ZNF143: variants seen among roughly 807,000 people sequenced by gnomAD.
ZNF143 encodes SPH-binding factor.
Under a neutral mutation model 74.1 loss-of-function variants are expected in ZNF143, and 49 were observed. The ratio of observed to expected loss-of-function variants is 0.66; its 90% confidence interval spans 0.53 to 0.84. The LOEUF (loss-of-function observed/expected upper bound fraction) is 0.84. Ranked by LOEUF, ZNF143 falls within the 40% of genes least tolerant of loss-of-function variation. ZNF143 has a pLI of 0.00. For synonymous variants in ZNF143, 304 were observed against 282.8 expected (o/e 1.07, Z -0.75); for missense variants, 637 against 793.4 (o/e 0.80, Z 2.37).
chr11:9,516,494 C>T (rs988749117), intron 14 of ZNF143, 132 bp downstream of exon 14: 4 of 826,022 alleles, frequency 4.8e-6, no homozygotes, highest in Non-Finnish European at 7.3e-6. Flanking sequence ...TTCTTAGCTA[C>T]TTAACCCTCA....
At chr11:9,514,036 G>A (rs1027731388) in intron 13 of ZNF143, among the ~76,000 whole-genome samples, 1 of 152,260 alleles carries the variant, frequency 6.6e-6, no homozygotes, top group Non-Finnish European at 1.5e-5. Context: ...AGGACTACAG[G>A]TGTGTACCAC....
chr11:9,516,699 T>C (rs910805508), intron 14 of ZNF143, among the ~76,000 whole-genome samples: 1 of 152,230 alleles, frequency 6.6e-6, no homozygotes, highest in African/African-American at 2.4e-5. Context: ...CTATTTAATT[T>C]TTTGAATATG....
At chr11:9,473,340 G>A (rs1590510714) in intron 3 of ZNF143, among the ~76,000 whole-genome samples, 1 of 148,960 alleles carries the variant, frequency 6.7e-6, no homozygotes. Flanking sequence ...GCAGTGAGCC[G>A]AGATCACGCC....
At chr11:9,464,390 C>A (rs1856063580) in intron 1 of ZNF143, among the ~76,000 whole-genome samples, 1 of 151,922 alleles carries the variant, frequency 6.6e-6, no homozygotes. Flanking sequence ...CTCCTGAGGT[C>A]AGGAATTTGA....
intron 14 of ZNF143, among the ~76,000 whole-genome samples, chr11:9,518,510 C>G (rs1207567146): frequency 1.3e-5 from 2 of 152,174 alleles, no homozygotes; most frequent in African/African-American, 2.4e-5. Flanking sequence ...GTCAGGAATT[C>G]AAGACCAGCG....
chr11:9,524,784 G>C (rs1849065837), intron 14 of ZNF143, among the ~76,000 whole-genome samples: 1 of 152,084 alleles, frequency 6.6e-6, no homozygotes, highest in Non-Finnish European at 1.5e-5. Flanking sequence ...AGTACCACTG[G>C]TCCTTTCAGT....
intron 10 of ZNF143, among the ~76,000 whole-genome samples, 185 bp from the exon 11 acceptor site, chr11:9,500,906 T>C (rs371726774): frequency 3.3e-5 from 5 of 152,170 alleles, no homozygotes; most frequent in South Asian, 2.1e-4. Flanking sequence ...CAGTTTCTTA[T>C]GTAGATTTAA....
intron 7 of ZNF143, among the ~76,000 whole-genome samples, chr11:9,481,555 C>G (rs909967655): frequency 2.6e-5 from 4 of 151,960 alleles, no homozygotes; most frequent in African/African-American, 9.7e-5. Context: ...TTATTGGTAA[C>G]TGACAAGTAC....
At chr11:9,506,280 C>A (rs565126085) in intron 11 of ZNF143, among the ~76,000 whole-genome samples, 1 of 152,286 alleles carries the variant, frequency 6.6e-6, no homozygotes, top group South Asian at 2.1e-4. Flanking sequence ...TGCAGTGAGT[C>A]GAGATCACAC....
chr11:9,515,789 T>G (rs1311971034), intron 13 of ZNF143, among the ~76,000 whole-genome samples: 1 of 152,100 alleles, frequency 6.6e-6, no homozygotes, highest in Admixed American at 6.6e-5. Flanking sequence ...GAGACCAGCC[T>G]GGGCAACATG....
chr11:9,477,645 TA>T (rs1427343466), intron 5 of ZNF143, among the ~76,000 whole-genome samples: 1 of 152,170 alleles, frequency 6.6e-6, no homozygotes, highest in Non-Finnish European at 1.5e-5. Flanking sequence ...TATATCGATA[TA>T]AAATCACTAT....
intron 1 of ZNF143, chr11:9,463,792 A>C (rs1461102118): frequency 2.6e-5 from 4 of 152,168 alleles, no homozygotes; most frequent in African/African-American, 9.7e-5. Flanking sequence ...GGCTGCATTG[A>C]ACTGTGCCTC....
chr11:9,481,538 C>A (rs982352479), intron 7 of ZNF143, among the ~76,000 whole-genome samples: 41 of 152,010 alleles, frequency 2.7e-4, no homozygotes, highest in Non-Finnish European at 3.7e-4. Context: ...CCAATAAGTT[C>A]TCTGTCTTAT....
intron 14 of ZNF143, among the ~76,000 whole-genome samples, chr11:9,518,522 G>C (rs1354890225): frequency 6.6e-6 from 1 of 152,174 alleles, no homozygotes; most frequent in Non-Finnish European, 1.5e-5. Flanking sequence ...AGACCAGCGT[G>C]GCCAAACATG....
intron 9 of ZNF143, among the ~76,000 whole-genome samples, chr11:9,497,083 A>G (rs1847984877): frequency 6.6e-6 from 1 of 152,132 alleles, no homozygotes; most frequent in Non-Finnish European, 1.5e-5. Flanking sequence ...TCTTCATTCC[A>G]TGTCTTGATT....
chr11:9,515,199 G>A (rs903556759), intron 13 of ZNF143, among the ~76,000 whole-genome samples: 19 of 152,148 alleles, frequency 1.2e-4, no homozygotes, highest in Non-Finnish European at 2.5e-4. Flanking sequence ...ATAAGATTTT[G>A]TTTTGTTTTG....
At chr11:9,501,508 G>A (rs113755435) in intron 11 of ZNF143, among the ~76,000 whole-genome samples, 368 of 152,326 alleles carry the variant, frequency 2.4e-3, no homozygotes, top group African/African-American at 8.5e-3. Context: ...ATTGTCAAGG[G>A]CAGGCTACTT....
chr11:9,480,531 A>G (rs1307035715), intron 7 of ZNF143, among the ~76,000 whole-genome samples: 1 of 152,188 alleles, frequency 6.6e-6, no homozygotes, highest in Non-Finnish European at 1.5e-5. Context: ...TATCAAGAAG[A>G]TTTTACATTT....
At chr11:9,507,258 C>T (rs1004838523) in intron 11 of ZNF143, among the ~76,000 whole-genome samples, 6 of 152,154 alleles carry the variant, frequency 3.9e-5, no homozygotes, top group African/African-American at 7.2e-5. Flanking sequence ...TATGTATACA[C>T]ACTTTCATAT....
Sources: gnomAD v4.1 joint callset for allele counts (sites outside exome capture counted in the v4.1 genomes callset) on GRCh38, gnomAD v4.1.1 for gene constraint, MANE v1.5 for transcripts, NCBI Gene and HGNC (gene_info 2026-07-23, HGNC 2026-07-21) for gene names.